The following EFNA5 variants were observed in gnomAD, a reference collection of about 807,000 sequenced individuals.
EFNA5 encodes ephrin-A5.
In EFNA5, 5 loss-of-function variants were observed where a neutral mutation model predicts 22.9. The ratio of observed to expected loss-of-function variants is 0.22; its 90% confidence interval spans 0.11 to 0.46. EFNA5 has a LOEUF of 0.46. EFNA5 is among the 20% of genes least tolerant of loss of function. EFNA5 has a pLI of 0.99. For synonymous variants in EFNA5, 113 were observed against 112.2 expected, an observed-to-expected ratio of 1.01 and a Z score of -0.04; for missense variants, 237 against 293.3, an observed-to-expected ratio of 0.81 and a Z score of 1.40.
chr5:107,643,506 C>T (rs1215643588), intron 1 of EFNA5, among the ~76,000 whole-genome samples: 1 of 152,138 alleles, frequency 6.6e-6, no homozygotes, highest in Non-Finnish European at 1.5e-5. Flanking sequence ...CAGACACAAC[C>T]ATCTGGGCCC....
At chr5:107,607,406 G>C (rs1185079211) in intron 1 of EFNA5, among the ~76,000 whole-genome samples, 1 of 152,172 alleles carries the variant, frequency 6.6e-6, no homozygotes, top group Non-Finnish European at 1.5e-5. Flanking sequence ...AGTAGAGTTT[G>C]AGCCCAGTTA....
chr5:107,496,111 A>T (rs1015293422), intron 1 of EFNA5, among the ~76,000 whole-genome samples: 8 of 145,782 alleles, frequency 5.5e-5, no homozygotes, highest in Non-Finnish European at 1.0e-4. Flanking sequence ...GGATCACCTG[A>T]GGTCAGGAGT....
chr5:107,616,862 A>T (rs1749927598), intron 1 of EFNA5, among the ~76,000 whole-genome samples: 1 of 152,188 alleles, frequency 6.6e-6, no homozygotes, highest in Admixed American at 6.5e-5. Context: ...ATTAATTTGA[A>T]TGAGTTCAGG....
In EFNA5 at chr5:107,399,660, G is replaced by A. The variant is rs368984878; in HGVS notation, c.419-11889C>T. 3.3e-5 allele frequency among the ~76,000 whole-genome samples: 5 copies of A among 152,278 alleles called. No individual in the cohort carries two copies. The South Asian group carries it at 1.0e-3, about 32-fold the overall frequency. The stretch of plus-strand genomic sequence containing the variant: ...CTTGCTGAATTCCTCTAATCATGAA[G>A]ATCAGAGAAACCTCTCAGCAAGTTA... On this transcript the variant is annotated intron_variant, in intron 2 of 4. Coordinates refer to ENST00000333274, the MANE Select transcript of EFNA5 (RefSeq NM_001962.3).
At chr5:107,406,159 AT>A (rs974738189) in intron 2 of EFNA5, among the ~76,000 whole-genome samples, 1 of 147,768 alleles carries the variant, frequency 6.8e-6, no homozygotes, top group African/African-American at 2.5e-5. Context: ...TTGTATACAT[AT>A]TCTATGTATT....
At chr5:107,405,074 G>T (rs1748173265) in intron 2 of EFNA5, among the ~76,000 whole-genome samples, 1 of 152,144 alleles carries the variant, frequency 6.6e-6, no homozygotes, top group South Asian at 2.1e-4. Flanking sequence ...GAGGAAACAG[G>T]AAACAAACAC....
At position 107,505,820 on chromosome 5, in the gene EFNA5, CTCTT is replaced by C. The variant is rs1172560580; in HGVS notation, c.126-78315_126-78312del. On this transcript the variant is annotated intron_variant, in intron 1 of 4. Coordinates refer to ENST00000333274, the MANE Select transcript of EFNA5 (RefSeq NM_001962.3). ...TTTAATCCCCCTTTCCCATCTCTCTCTCTTTTTCTCTCCCCCCCACCTTCTCTTG... is the reference window on the plus strand; with the variant it reads ...TTTAATCCCCCTTTCCCATCTCTCTCTTTCTCTCCCCCCCACCTTCTCTTG... Among the ~76,000 whole-genome samples, 17 of 152,096 alleles carry C rather than the reference CTCTT, an allele frequency of 1.1e-4. No homozygotes were observed. In the East Asian group the frequency reaches 3.3e-3, roughly 29 times the overall value.
At chr5:107,611,673 T>C (rs1749821501) in intron 1 of EFNA5, among the ~76,000 whole-genome samples, 1 of 152,242 alleles carries the variant, frequency 6.6e-6, no homozygotes, top group Non-Finnish European at 1.5e-5. Context: ...TTATAATTTT[T>C]ATTCACAGGA....
At chr5:107,630,217 T>C (rs570756620) in intron 1 of EFNA5, among the ~76,000 whole-genome samples, 1 of 152,354 alleles carries the variant, frequency 6.6e-6, no homozygotes, top group Admixed American at 6.5e-5. Context: ...AACTATAGTC[T>C]GTTTAATAAA....
At chr5:107,417,533 T>C (rs1748534249) in intron 2 of EFNA5, among the ~76,000 whole-genome samples, 1 of 152,164 alleles carries the variant, frequency 6.6e-6, no homozygotes, top group Non-Finnish European at 1.5e-5. Context: ...GCCCAAAGGA[T>C]ACTCATGAAC....
chr5:107,568,243 A>G (rs1748702870), intron 1 of EFNA5, among the ~76,000 whole-genome samples: 1 of 152,186 alleles, frequency 6.6e-6, no homozygotes, highest in Admixed American at 6.5e-5. Context: ...CTGCATATAC[A>G]CATATATACC....
chr5:107,484,070 A>G (rs1249582588), intron 1 of EFNA5, among the ~76,000 whole-genome samples: 3 of 152,184 alleles, frequency 2.0e-5, no homozygotes, highest in African/African-American at 7.2e-5. Context: ...GTACTGTCCC[A>G]TGGTACCCAT....
intron 1 of EFNA5, among the ~76,000 whole-genome samples, chr5:107,490,800 G>T (rs1209364336): frequency 6.6e-6 from 1 of 152,212 alleles, no homozygotes; most frequent in Non-Finnish European, 1.5e-5. Context: ...TCACCATCCA[G>T]TGGGGAAAAG....
At chr5:107,530,218 G>C (rs148665051) in intron 1 of EFNA5, among the ~76,000 whole-genome samples, 92 of 152,326 alleles carry the variant, frequency 6.0e-4, no homozygotes, top group African/African-American at 2.1e-3. Flanking sequence ...GTAACTCAGG[G>C]ACTAGGGTTG....
At chr5:107,485,874 C>T (rs1021563657) in intron 1 of EFNA5, among the ~76,000 whole-genome samples, 1 of 152,026 alleles carries the variant, frequency 6.6e-6, no homozygotes, top group African/African-American at 2.4e-5. Context: ...TAAGCTAGAT[C>T]TTTGTGTGCT....
chr5:107,405,836 T>C (rs1748194173), intron 2 of EFNA5, among the ~76,000 whole-genome samples: 1 of 151,040 alleles, frequency 6.6e-6, no homozygotes, highest in Non-Finnish European at 1.5e-5. Flanking sequence ...TGTATACATA[T>C]TCTATGTATT....
chr5:107,668,898 AAAG>A (rs1751124873), intron 1 of EFNA5, among the ~76,000 whole-genome samples: 2 of 152,090 alleles, frequency 1.3e-5, no homozygotes, highest in South Asian at 2.1e-4. Context: ...GTGGCATGTC[AAAG>A]AAGAAATCGC....
chr5:107,633,345 T>C (rs1176257079), intron 1 of EFNA5, among the ~76,000 whole-genome samples: 2 of 152,210 alleles, frequency 1.3e-5, no homozygotes, highest in African/African-American at 4.8e-5. Context: ...CTTTCCACCT[T>C]TCCTGTCCCT....
chr5:107,606,491 G>A (rs1233175000), intron 1 of EFNA5, among the ~76,000 whole-genome samples: 3 of 150,364 alleles, frequency 2.0e-5, no homozygotes, highest in Middle Eastern at 6.8e-3. Flanking sequence ...CTTTGATGCT[G>A]CACTCCTGCT....
Sources: gnomAD v4.1 joint callset for allele counts (sites outside exome capture counted in the v4.1 genomes callset) on GRCh38, gnomAD v4.1.1 for gene constraint, MANE v1.5 for transcripts, NCBI Gene and HGNC (gene_info 2026-07-23, HGNC 2026-07-21) for gene names.